The following BMPR2 variants were observed in gnomAD, a reference collection of about 807,000 sequenced individuals.
The protein encoded by BMPR2 is bone morphogenetic protein receptor type-2.
BMPR2 carries 29 observed loss-of-function variants against 100.8 expected under a neutral mutation model. That is an observed-to-expected ratio of 0.29 (90% CI 0.21 to 0.39). The LOEUF is 0.39. Among genes scored for constraint, BMPR2 ranks in the 10% least tolerant of loss-of-function variants. BMPR2 has a pLI of 1.00. For synonymous variants in BMPR2, 382 were observed against 442.3 expected, an observed-to-expected ratio of 0.86 and a Z score of 1.71; for missense variants, 1,011 against 1,274.5, an observed-to-expected ratio of 0.79 and a Z score of 3.15.
rs763963624 is a variant in BMPR2, at chr2:202,514,994, A to G, written c.621+15A>G. On this transcript the variant is annotated intron_variant, in intron 5 of 12. Transcript: ENST00000374580. The stretch of plus-strand genomic sequence containing the variant: ...AACTGTTGGAGGTAAGTTTGCCGTT[A>G]GATTATGGACTGTTGTTTCTACTGT... The G allele has an allele frequency of 1.9e-6, 3 of 1,608,720 alleles. No individual in the cohort carries two copies. The highest frequency in any genetic ancestry group is 1.7e-5 in the Admixed American group (1 of 60,008).
chr2:202,543,192 A>G (rs1688309043), intron 10 of BMPR2, among the ~76,000 whole-genome samples: 2 of 145,792 alleles, frequency 1.4e-5, no homozygotes, highest in Non-Finnish European at 1.5e-5. Context: ...AAAAAAAAGC[A>G]TATATATATA....
chr2:202,400,204 C>T (rs1690742109), intron 1 of BMPR2, among the ~76,000 whole-genome samples: 1 of 152,020 alleles, frequency 6.6e-6, no homozygotes, highest in Non-Finnish European at 1.5e-5. Flanking sequence ...TACAGTGGTA[C>T]AATCATAGTT....
intron 1 of BMPR2, among the ~76,000 whole-genome samples, chr2:202,435,547 C>A (rs539473056): frequency 6.7e-6 from 1 of 149,302 alleles, no homozygotes; most frequent in East Asian, 1.9e-4. Flanking sequence ...AATTTATTAT[C>A]AAGGAAATAA....
intron 3 of BMPR2, 64 bp from the exon 4 acceptor site, chr2:202,513,651 AGTCT>A (rs1687661389): frequency 8.8e-7 from 1 of 1,141,136 alleles, no homozygotes; most frequent in South Asian, 1.2e-5. Flanking sequence ...TCTAAAGGGC[AGTCT>A]GTCAGTATTT....
intron 1 of BMPR2, among the ~76,000 whole-genome samples, chr2:202,432,010 A>G (rs1691515290): frequency 6.6e-6 from 1 of 150,648 alleles, no homozygotes; most frequent in Middle Eastern, 3.4e-3. Context: ...ATAGGTACTT[A>G]TATATTAAGT....
chr2:202,530,465 G>T (rs570328465), intron 7 of BMPR2, among the ~76,000 whole-genome samples: 60 of 148,952 alleles, frequency 4.0e-4, no homozygotes, highest in Admixed American at 9.3e-4. Flanking sequence ...TTTTTTTTTT[G>T]ATGTTTATAC....
intron 7 of BMPR2, among the ~76,000 whole-genome samples, chr2:202,521,254 C>T (rs1019359188): frequency 2.6e-5 from 4 of 152,298 alleles, no homozygotes; most frequent in African/African-American, 9.6e-5. Context: ...GTAAAAACAA[C>T]CTGCTACTTC....
chr2:202,485,545 C>CTTTTTTGTTTTTTTTTTTTTT (rs1692757161), intron 3 of BMPR2, among the ~76,000 whole-genome samples: 1 of 64,010 alleles, frequency 1.6e-5, no homozygotes, highest in East Asian at 7.6e-4. Flanking sequence ...TTGCCTTTAT[C>CTTTTTTGTTTTTTTTTTTTTT]TTTTTTTTTT....
chr2:202,381,837 A>G (rs1690300814), intron 1 of BMPR2, among the ~76,000 whole-genome samples: 1 of 152,100 alleles, frequency 6.6e-6, no homozygotes, highest in African/African-American at 2.4e-5. Flanking sequence ...GGTGAGAGAT[A>G]ACTGTTCACA....
At chr2:202,471,130 G>A (rs2105965317) in intron 3 of BMPR2, among the ~76,000 whole-genome samples, 2 of 152,302 alleles carry the variant, frequency 1.3e-5, no homozygotes, top group South Asian at 4.1e-4. Flanking sequence ...AAGGACACAG[G>A]AGCCAGCTGG....
At chr2:202,439,754 T>C (rs1025487601) in intron 1 of BMPR2, among the ~76,000 whole-genome samples, 1 of 149,084 alleles carries the variant, frequency 6.7e-6, no homozygotes, top group Non-Finnish European at 1.5e-5. Flanking sequence ...TCTTTTTTCT[T>C]TTTTTTTAGT....
chr2:202,510,681 A>G (rs1051913008), intron 3 of BMPR2, among the ~76,000 whole-genome samples: 1 of 148,340 alleles, frequency 6.7e-6, no homozygotes, highest in Non-Finnish European at 1.5e-5. Flanking sequence ...TTTTTTGTTT[A>G]TTTGTTTGTT....
intron 1 of BMPR2, among the ~76,000 whole-genome samples, chr2:202,406,630 T>C (rs1462860432): frequency 6.6e-6 from 1 of 152,248 alleles, no homozygotes; most frequent in Non-Finnish European, 1.5e-5. Context: ...TTTACCCTGC[T>C]GTAAGGGGAA....
At chr2:202,492,967 CTG>C (rs1406737309) in intron 3 of BMPR2, among the ~76,000 whole-genome samples, 1 of 152,094 alleles carries the variant, frequency 6.6e-6, no homozygotes, top group African/African-American at 2.4e-5. Context: ...CAGTAAATAA[CTG>C]GAAGATACAG....
intron 7 of BMPR2, among the ~76,000 whole-genome samples, chr2:202,523,944 A>G (rs1687862323): frequency 6.6e-6 from 1 of 152,198 alleles, no homozygotes; most frequent in Non-Finnish European, 1.5e-5. Flanking sequence ...TAGAAAACCA[A>G]ATACCACATT....
At position 202,565,662 on chromosome 2, in the gene BMPR2, TG is replaced by T. The variant is rs1201513375; in HGVS notation, c.*5717del. The T allele has an allele frequency of 5.2e-5, 8 of 152,624 alleles. No individual in the cohort carries two copies. The highest frequency in any genetic ancestry group is 1.9e-4 in the African/African-American group (8 of 41,484). The allele number at this position is 152,624 out of a possible 1,614,324, so 9.5% of individuals were successfully genotyped here. A position where few individuals can be genotyped will look rare whatever the true frequency, so the allele number is the denominator to read the frequency against. ...GAGCCACAACCTTTTACATATTTTT[TG>T]TATGAAATATTAAACACTAAATGCA... On this transcript the variant is annotated 3_prime_UTR_variant, in exon 13 of 13. Transcript: ENST00000374580.
intron 3 of BMPR2, among the ~76,000 whole-genome samples, chr2:202,497,858 C>G (rs1272514931): frequency 6.6e-6 from 1 of 152,170 alleles, no homozygotes; most frequent in Non-Finnish European, 1.5e-5. Flanking sequence ...CTGTTACCTT[C>G]TTTAGGCACC....
intron 3 of BMPR2, among the ~76,000 whole-genome samples, chr2:202,510,432 A>C (rs1256919963): frequency 6.6e-6 from 1 of 152,204 alleles, no homozygotes; most frequent in African/African-American, 2.4e-5. Flanking sequence ...AAGCCACAAA[A>C]AGACATGGAG....
intron 1 of BMPR2, among the ~76,000 whole-genome samples, chr2:202,462,643 T>A (rs1385838572): frequency 2.0e-5 from 3 of 151,820 alleles, no homozygotes; most frequent in East Asian, 1.9e-4. Flanking sequence ...TTTTTTTTTT[T>A]AACTATACTT....
Sources: gnomAD v4.1 joint callset for allele counts (sites outside exome capture counted in the v4.1 genomes callset) on GRCh38, gnomAD v4.1.1 for gene constraint, MANE v1.5 for transcripts, NCBI Gene and HGNC (gene_info 2026-07-23, HGNC 2026-07-21) for gene names.